CEP89: variants seen among roughly 807,000 people sequenced by gnomAD.
CEP89 encodes centrosomal protein of 89 kDa.
A neutral mutation model predicts 97.6 loss-of-function variants in CEP89; 95 were observed. The ratio of observed to expected loss-of-function variants is 0.97; its 90% CI spans 0.82 to 1.15. CEP89 has a LOEUF of 1.15. Ranked by LOEUF, CEP89 falls within the 50% of genes most tolerant of loss-of-function variation. The probability of loss-of-function intolerance (pLI) is 0.00; values close to 1 mark genes in which losing one functional copy is unlikely to be tolerated. For missense variants in CEP89, 869 were observed against 947.7 expected (o/e 0.92, Z 1.09); for synonymous variants, 354 against 349.1 (o/e 1.01, Z -0.16).
At chr19:32,932,890 T>C (rs1970504606) in intron 8 of CEP89, among the ~76,000 whole-genome samples, 1 of 152,094 alleles carries the variant, frequency 6.6e-6, no homozygotes, top group Non-Finnish European at 1.5e-5. Flanking sequence ...TTCAAGGTTA[T>C]AGTGAGCTCT....
chr19:32,902,725 C>T (rs1008259379), intron 14 of CEP89, among the ~76,000 whole-genome samples: 29 of 152,118 alleles, frequency 1.9e-4, no homozygotes, highest in African/African-American at 6.0e-4. Flanking sequence ...ATTTCCAGGG[C>T]AGGGCAGAGG....
At chr19:32,919,301 T>G (rs1414310680) in intron 12 of CEP89, among the ~76,000 whole-genome samples, 2 of 152,124 alleles carry the variant, frequency 1.3e-5, no homozygotes, top group African/African-American at 4.8e-5. Flanking sequence ...GATCGCAAAT[T>G]CTGATTAGAA....
chr19:32,904,233 T>C (rs1969842918), intron 14 of CEP89, among the ~76,000 whole-genome samples: 1 of 152,140 alleles, frequency 6.6e-6, no homozygotes, highest in Non-Finnish European at 1.5e-5. Context: ...ACAGTGACAA[T>C]GAAAAATTCT....
Position 32,959,897 on chromosome 19 carries a change from T to C in CEP89, c.305+3A>G. On this transcript the variant is annotated splice_donor_region_variant and intron_variant, in intron 3 of 18. Transcript: ENST00000305768. ...GAAGCAGAGGCGGCGATCTGGTACC[T>C]ACCGAGGCCTCAGCTGTGAGGTGGT... 6.2e-7 allele frequency: 1 copy of C among 1,614,158 alleles called. No homozygotes were observed. Among genetic ancestry groups the C allele is most frequent in the Non-Finnish European group, 8.5e-7 (1 of 1,180,010 alleles).
chr19:32,901,465 G>T, intron 14 of CEP89, 53 bp from the exon 15 acceptor site: 1 of 1,563,878 alleles, frequency 6.4e-7, no homozygotes, highest in Non-Finnish European at 8.7e-7. Context: ...AGCTAAAATG[G>T]GGCAGTCACA....
At chr19:32,898,109 C>T (rs1969681766) in intron 16 of CEP89, among the ~76,000 whole-genome samples, 3 of 151,994 alleles carry the variant, frequency 2.0e-5, no homozygotes, top group African/African-American at 7.3e-5. Flanking sequence ...TTCACAGTAG[C>T]AAAGATATGA....
At chr19:32,901,936 T>C (rs1969780421) in intron 14 of CEP89, among the ~76,000 whole-genome samples, 1 of 152,042 alleles carries the variant, frequency 6.6e-6, no homozygotes, top group South Asian at 2.1e-4. Context: ...CAAACTTCTT[T>C]GATGGTGATG....
intron 4 of CEP89, among the ~76,000 whole-genome samples, chr19:32,951,530 T>TACACACACACAC (rs1161229765): frequency 1.8e-4 from 19 of 107,432 alleles, no homozygotes; most frequent in African/African-American, 7.4e-4. Flanking sequence ...TATATATATA[T>TACACACACACAC]ATATACACAC....
At chr19:32,905,358 C>A (rs563066925) in intron 14 of CEP89, among the ~76,000 whole-genome samples, 1 of 152,094 alleles carries the variant, frequency 6.6e-6, no homozygotes, top group Non-Finnish European at 1.5e-5. Context: ...GTTATACTAA[C>A]CTCATTAGAT....
chr19:32,957,206 G>A (rs1167631176), intron 3 of CEP89, among the ~76,000 whole-genome samples: 3 of 152,124 alleles, frequency 2.0e-5, no homozygotes, highest in Non-Finnish European at 4.4e-5. Context: ...TGCATCAATT[G>A]AGGGGTAGCT....
At chr19:32,906,027 C>G (rs1465058259) in intron 14 of CEP89, among the ~76,000 whole-genome samples, 2 of 152,166 alleles carry the variant, frequency 1.3e-5, no homozygotes, top group African/African-American at 4.8e-5. Context: ...TCTACCATGT[C>G]TATTTTGGTT....
At chr19:32,916,172 G>A (rs1463573655) in intron 13 of CEP89, among the ~76,000 whole-genome samples, 2 of 151,992 alleles carry the variant, frequency 1.3e-5, no homozygotes, top group African/African-American at 4.8e-5. Flanking sequence ...CAGATATCCG[G>A]GAGGCTGAGG....
At chr19:32,946,920 T>C (rs763744138) in intron 5 of CEP89, among the ~76,000 whole-genome samples, 1 of 137,920 alleles carries the variant, frequency 7.3e-6, no homozygotes, top group Non-Finnish European at 1.6e-5. Context: ...TAATGCACTT[T>C]ATATATTTAT....
chr19:32,927,179 T>C (rs571418849), intron 9 of CEP89, among the ~76,000 whole-genome samples, 195 bp from the exon 10 acceptor site: 1 of 151,538 alleles, frequency 6.6e-6, no homozygotes, highest in African/African-American at 2.4e-5. Context: ...CATCCATCCA[T>C]CCATCCATCC....
chr19:32,951,890 G>A (rs1176275395), intron 4 of CEP89, among the ~76,000 whole-genome samples: 4 of 152,060 alleles, frequency 2.6e-5, no homozygotes, highest in Non-Finnish European at 5.9e-5. Flanking sequence ...AAATATTGTA[G>A]TAAGCTTTCC....
intron 13 of CEP89, among the ~76,000 whole-genome samples, chr19:32,916,018 C>T (rs965222989): frequency 1.3e-5 from 2 of 151,930 alleles, no homozygotes; most frequent in African/African-American, 4.8e-5. Flanking sequence ...GTGACTCATA[C>T]CTGTAACCCC....
In CEP89 at chr19:32,939,815, C is replaced by T. The variant is rs560941267; in HGVS notation, c.624+42G>A. On this transcript the variant is annotated intron_variant, in intron 6 of 18. Transcript: ENST00000305768. ...TTTATGAAAAATTATGATAAAAACT[C>T]TATTTATTGAGAAAATCAGTTTTTA... The T allele has an allele frequency of 1.9e-4, 177 of 908,642 alleles. 1 individual carries two copies. The South Asian group carries it at 2.6e-3, about 13-fold the overall frequency. The allele number at this position is 908,642 out of a possible 1,614,324, so 56.3% of individuals were successfully genotyped here.
At chr19:32,914,524 G>T (rs1599734938) in intron 14 of CEP89, among the ~76,000 whole-genome samples, 1 of 151,788 alleles carries the variant, frequency 6.6e-6, no homozygotes, top group Non-Finnish European at 1.5e-5. Context: ...TGCCTGCCTT[G>T]GCCTCTCAAA....
In CEP89 at chr19:32,933,653, T is replaced by C; in HGVS notation, c.684A>G (p.Ala228=). The C allele has an allele frequency of 6.2e-7, 1 of 1,609,104 alleles. No homozygotes were observed. The highest frequency in any genetic ancestry group is 8.5e-7 in the Non-Finnish European group (1 of 1,175,744). The change falls in exon 8 of 19, where the codon GCA becomes GCG. Residue 228 remains alanine (A), a synonymous_variant. Coordinates refer to ENST00000305768, the MANE Select transcript of CEP89 (RefSeq NM_032816.5). The stretch of plus-strand genomic sequence containing the variant: ...TGGTTATTTCTGTATATCTTTGACG[T>C]GCTCTACCAGTTATATCTGAAAGGG... ...PPPSPDITGR[A]RQRYTEITRE...
Sources: gnomAD v4.1 joint callset for allele counts (sites outside exome capture counted in the v4.1 genomes callset) on GRCh38, gnomAD v4.1.1 for gene constraint, MANE v1.5 for transcripts, NCBI Gene and HGNC (gene_info 2026-07-23, HGNC 2026-07-21) for gene names.